Variants in SSBP3 observed in about 807,000 individuals in gnomAD.
SSBP3 encodes the protein single stranded DNA binding protein 3, also known as single-stranded DNA-binding protein 3.
A neutral mutation model predicts 69.6 loss-of-function variants in SSBP3; 5 were observed. That is an observed-to-expected ratio of 0.07 (90% CI 0.04 to 0.15). SSBP3 has a LOEUF of 0.15. Among genes scored for constraint, SSBP3 ranks in the 10% least tolerant of loss-of-function variants. The pLI is 1.00. For synonymous variants in SSBP3, 196 were observed against 193.4 expected, an observed-to-expected ratio of 1.01 and a Z score of -0.11; for missense variants, 312 against 534.0, an observed-to-expected ratio of 0.58 and a Z score of 4.10.
At chr1:54,400,323 T>G (rs754636342) in intron 4 of SSBP3, among the ~76,000 whole-genome samples, 4 of 117,774 alleles carry the variant, frequency 3.4e-5, no homozygotes, top group African/African-American at 1.3e-4. Context: ...ACTATTTACA[T>G]AGCAGTCAAA....
Position 54,227,185 on chromosome 1 carries a change from G to GT in SSBP3, c.1138-26_1138-25insA. ...ACTGGAAAGGAGAAGCAGAGAAGGG[G>GT]GGGGGGTGAGGATTGTGGGGAGGCC... On this transcript the variant is annotated intron_variant, in intron 17 of 17. Transcript: ENST00000610401. 8 of 1,193,952 alleles carry GT rather than the reference G, an allele frequency of 6.7e-6. 1 individual carries two copies. The highest frequency in any genetic ancestry group is 9.7e-6 in the Non-Finnish European group (8 of 822,302). The allele number at this position is 1,193,952 out of a possible 1,614,324, so 74.0% of individuals were successfully genotyped here. A position where few individuals can be genotyped will look rare whatever the true frequency, so the allele number is the denominator to read the frequency against.
intron 4 of SSBP3, among the ~76,000 whole-genome samples, chr1:54,316,514 G>A (rs1246828943): frequency 1.4e-5 from 2 of 146,976 alleles, no homozygotes; most frequent in Non-Finnish European, 3.0e-5. Context: ...GGTGGCGGGC[G>A]CCTGTAGTCC....
In SSBP3 at chr1:54,304,525, T is replaced by G. The variant is rs553791633; in HGVS notation, c.277-22998A>C. On this transcript the variant is annotated intron_variant, in intron 4 of 17. Transcript: ENST00000610401. ...AGCCAGGTGAGGCTGAGTAGGGAGT[T>G]GCAGGTGATGGTGGGAAAAGGACAC... Among the ~76,000 whole-genome samples, 245 of 152,124 alleles carry G rather than the reference T, an allele frequency of 1.6e-3. 3 individuals carry two copies. The highest frequency in any genetic ancestry group is 5.9e-3 in the African/African-American group (243 of 41,500).
intron 5 of SSBP3, among the ~76,000 whole-genome samples, chr1:54,263,998 C>CA (rs758525613): frequency 2.0e-5 from 3 of 152,158 alleles, no homozygotes; most frequent in Non-Finnish European, 2.9e-5. Flanking sequence ...AAAACAAAAA[C>CA]AAAAACAAAA....
intron 9 of SSBP3, among the ~76,000 whole-genome samples, chr1:54,244,773 C>T (rs1477594453): frequency 6.6e-6 from 1 of 152,154 alleles, no homozygotes; most frequent in Non-Finnish European, 1.5e-5. Context: ...TTGGCAGGCT[C>T]CTACTCAGCT....
At chr1:54,295,480 C>T (rs143494769) in intron 4 of SSBP3, among the ~76,000 whole-genome samples, 150 of 152,294 alleles carry the variant, frequency 9.8e-4, no homozygotes, top group Non-Finnish European at 1.8e-3. Context: ...AGGCATCCCA[C>T]GGAGCATGCA....
At position 54,239,202 on chromosome 1, in the gene SSBP3, G is replaced by A; in HGVS notation, c.857-3C>T. On this transcript the variant is annotated splice_polypyrimidine_tract_variant and splice_region_variant and intron_variant, in intron 13 of 17. Coordinates refer to ENST00000610401, the Ensembl canonical transcript of SSBP3. ...GTTGTCACTGGAATTTGTTGAATCT[G>A]TAGAACAGTGGAAACCCACAAGTCG... The A allele has an allele frequency of 3.7e-6, 6 of 1,608,550 alleles. No homozygotes were observed. The highest frequency in any genetic ancestry group is 5.1e-6 in the Non-Finnish European group (6 of 1,177,612).
intron 4 of SSBP3, among the ~76,000 whole-genome samples, chr1:54,322,664 A>G (rs1557530505): frequency 6.9e-6 from 1 of 145,580 alleles, no homozygotes; most frequent in Non-Finnish European, 1.5e-5. Flanking sequence ...AAAGAAAAGG[A>G]AAAAAAAAAA....
intron 4 of SSBP3, among the ~76,000 whole-genome samples, chr1:54,292,406 A>G (rs1417852986): frequency 1.3e-5 from 2 of 152,182 alleles, no homozygotes; most frequent in Non-Finnish European, 2.9e-5. Context: ...CCTCATGTAC[A>G]AATGACAGGG....
At chr1:54,390,791 C>A (rs954685724) in intron 4 of SSBP3, among the ~76,000 whole-genome samples, 1 of 152,256 alleles carries the variant, frequency 6.6e-6, no homozygotes, top group Non-Finnish European at 1.5e-5. Context: ...GGCCGCCGCC[C>A]GTAACACAAG....
upstream of SSBP3, among the ~76,000 whole-genome samples, chr1:54,410,514 A>C (rs1240339915): frequency 6.6e-6 from 1 of 152,164 alleles, no homozygotes; most frequent in Non-Finnish European, 1.5e-5. Flanking sequence ...GTGGAAGCTG[A>C]GTATGCAGCC....
At chr1:54,249,607 G>A (rs1450261183) in intron 9 of SSBP3, among the ~76,000 whole-genome samples, 1 of 151,888 alleles carries the variant, frequency 6.6e-6, no homozygotes, top group Non-Finnish European at 1.5e-5. Flanking sequence ...AGGATGTGGT[G>A]AGCAGAGATG....
At chr1:54,367,037 G>A (rs1004694648) in intron 4 of SSBP3, among the ~76,000 whole-genome samples, 1 of 152,142 alleles carries the variant, frequency 6.6e-6, no homozygotes, top group Admixed American at 6.5e-5. Flanking sequence ...GTTCTCATGG[G>A]GATCACCTGA....
At chr1:54,277,611 G>C (rs1645313080) in intron 5 of SSBP3, among the ~76,000 whole-genome samples, 1 of 152,196 alleles carries the variant, frequency 6.6e-6, no homozygotes, top group African/African-American at 2.4e-5. Flanking sequence ...TGATGAAAAT[G>C]AAAGTAAGTT....
intron 4 of SSBP3, among the ~76,000 whole-genome samples, chr1:54,297,945 T>A (rs2100983861): frequency 6.6e-6 from 1 of 152,132 alleles, no homozygotes; most frequent in East Asian, 1.9e-4. Context: ...ATCAGATCCC[T>A]CCTCAGTTCT....
upstream of SSBP3, among the ~76,000 whole-genome samples, chr1:54,407,549 T>C (rs576680720): frequency 5.9e-5 from 9 of 152,082 alleles, no homozygotes; most frequent in African/African-American, 2.2e-4. Flanking sequence ...TTAGGGACTC[T>C]TAAGACCAGA....
chr1:54,405,777 C>T lies in SSBP3; in HGVS notation c.56+176G>A, dbSNP rs79258499. On this transcript the variant is annotated intron_variant, in intron 1 of 17. Coordinates refer to ENST00000610401, the Ensembl canonical transcript of SSBP3. ...ACCTCCGCCGGCTCCCAACAATGGG[C>T]TCTCCCACGCCGCCCGCCGCGGCCT... Among the ~76,000 whole-genome samples, 4 of 149,488 alleles carry T rather than the reference C, an allele frequency of 2.7e-5. No individual in the cohort carries two copies. In the South Asian group the frequency reaches 8.7e-4, roughly 32 times the overall value.
At chr1:54,323,303 A>G (rs570583857) in intron 4 of SSBP3, among the ~76,000 whole-genome samples, 13 of 152,352 alleles carry the variant, frequency 8.5e-5, no homozygotes, top group African/African-American at 2.6e-4. Flanking sequence ...TACTTTTACC[A>G]TAAGTGGGGA....
intron 4 of SSBP3, among the ~76,000 whole-genome samples, chr1:54,341,647 A>G (rs1363244281): frequency 6.6e-6 from 1 of 151,880 alleles, no homozygotes. Flanking sequence ...GCCGTAAAAT[A>G]TGTTAATTCC....
Sources: allele counts gnomAD v4.1 joint callset (sites outside exome capture counted in the v4.1 genomes callset), GRCh38; gene constraint gnomAD v4.1.1; transcripts MANE v1.5; gene names NCBI Gene and HGNC (gene_info 2026-07-23, HGNC 2026-07-21).